Variants in ZNF121 observed in about 807,000 individuals in gnomAD.
The protein encoded by ZNF121 is zinc finger protein 121, also known as zinc finger protein 121 (clone ZHC32).
A neutral mutation model predicts 2.4 loss-of-function variants in ZNF121; 1 was observed. The ratio of observed to expected loss-of-function variants is 0.41; its 90% CI spans 0.15 to 1.94. The LOEUF is 1.94. ZNF121 is among the 30% of genes most tolerant of loss of function. The pLI is 0.30. For synonymous variants in ZNF121, 173 were observed against 158.6 expected (o/e 1.09, Z -0.68); for missense variants, 369 against 466.3 (o/e 0.79, Z 1.92).
chr19:9,571,992 T>C (rs2074177577), intron 1 of ZNF121, among the ~76,000 whole-genome samples: 1 of 152,238 alleles, frequency 6.6e-6, no homozygotes, highest in Admixed American at 6.5e-5. Flanking sequence ...CTCAAACACC[T>C]GGTCTCAAGC....
At chr19:9,568,445 G>A (rs141115813) in intron 2 of ZNF121, among the ~76,000 whole-genome samples, 185 of 151,262 alleles carry the variant, frequency 1.2e-3, no homozygotes, top group African/African-American at 4.3e-3. Flanking sequence ...GCATGATCTC[G>A]GCTCACTGCA....
intron 3 of ZNF121, 30 bp downstream of exon 3, chr19:9,568,065 A>G: frequency 1.3e-6 from 2 of 1,531,434 alleles, no homozygotes; most frequent in African/African-American, 1.4e-5. Flanking sequence ...TCTTTTTTTG[A>G]GTGTGGTAAA....
At chr19:9,581,812 G>A (rs1197152872) in intron 1 of ZNF121, among the ~76,000 whole-genome samples, 2 of 152,136 alleles carry the variant, frequency 1.3e-5, no homozygotes, top group Non-Finnish European at 2.9e-5. Flanking sequence ...ATAAAAAGCA[G>A]ACATTAGATG....
intron 1 of ZNF121, among the ~76,000 whole-genome samples, chr19:9,581,990 G>A (rs969863626): frequency 2.6e-5 from 4 of 152,142 alleles, no homozygotes; most frequent in African/African-American, 4.8e-5. Flanking sequence ...TACCTGAGGT[G>A]AAAGAAAACA....
intron 1 of ZNF121, among the ~76,000 whole-genome samples, chr19:9,574,909 T>C (rs1444621460): frequency 6.6e-6 from 1 of 152,182 alleles, no homozygotes; most frequent in Non-Finnish European, 1.5e-5. Context: ...AAAAAGAAGT[T>C]ATTTATTCCT....
At chr19:9,570,780 C>T (rs2074168619) in intron 1 of ZNF121, among the ~76,000 whole-genome samples, 1 of 151,828 alleles carries the variant, frequency 6.6e-6, no homozygotes, top group African/African-American at 2.4e-5. Context: ...GGGGTTTAAC[C>T]ATATTGGCCA....
intron 1 of ZNF121, among the ~76,000 whole-genome samples, chr19:9,580,551 C>A (rs992507144): frequency 2.0e-5 from 3 of 151,888 alleles, no homozygotes; most frequent in African/African-American, 7.2e-5. Context: ...GTCAATAGAG[C>A]TACCACCCGT....
intron 1 of ZNF121, among the ~76,000 whole-genome samples, chr19:9,574,682 A>C (rs1000166167): frequency 5.3e-5 from 8 of 152,202 alleles, no homozygotes; most frequent in Non-Finnish European, 1.0e-4. Flanking sequence ...AGGAAGGAGG[A>C]AGTAACTTGT....
intron 1 of ZNF121, among the ~76,000 whole-genome samples, chr19:9,583,572 C>A (rs889549812): frequency 6.9e-6 from 1 of 144,336 alleles, no homozygotes; most frequent in Non-Finnish European, 1.5e-5. Context: ...GGCGCGATCT[C>A]GGCTCACTGC....
rs2074094325 is a variant in ZNF121, at chr19:9,560,335, T to C, written c.*5605A>G. On this transcript the variant is annotated 3_prime_UTR_variant, in exon 4 of 4. Transcript: ENST00000320451. ...CAAAATTGACCCAAGTAACTTCTTT[T>C]ATTACAATTTTTATTGTGATAAAAA... is the stretch of plus-strand genomic sequence containing the variant. 1 of 152,246 alleles carries C rather than the reference T, an allele frequency of 6.6e-6. No homozygotes were observed. Among genetic ancestry groups the C allele is most frequent in the Non-Finnish European group, 1.5e-5 (1 of 68,046 alleles). The allele number at this position is 152,246 out of a possible 1,614,324, so 9.4% of individuals were successfully genotyped here.
At chr19:9,567,998 A>G (rs2074145893) in intron 3 of ZNF121, 97 bp downstream of exon 3, 1 of 1,327,134 alleles carries the variant, frequency 7.5e-7, no homozygotes, top group African/African-American at 1.5e-5. Context: ...GCTTGAGTAA[A>G]TGTTACCTCT....
Position 9,568,106 on chromosome 19 carries a change from C to T in ZNF121, c.-9G>A, listed in dbSNP as rs745411135. On this transcript the variant is annotated 5_prime_UTR_variant, in exon 3 of 4. Coordinates refer to ENST00000320451, the MANE Select transcript of ZNF121 (RefSeq NM_001008727.5). ...AATCTTAATCTTACCATTTGTATGCCGTTTGATGTTTTGTTAAGCCAAAAA... is the reference window on the plus strand; with the variant it reads ...AATCTTAATCTTACCATTTGTATGCTGTTTGATGTTTTGTTAAGCCAAAAA... 4.5e-5 allele frequency: 69 copies of T among 1,537,868 alleles called. No homozygotes were observed. Among genetic ancestry groups the T allele is most frequent in the Admixed American group, 1.7e-4 (10 of 57,790 alleles).
intron 1 of ZNF121, among the ~76,000 whole-genome samples, chr19:9,579,617 G>A (rs150536020): frequency 6.6e-6 from 1 of 152,286 alleles, no homozygotes; most frequent in African/African-American, 2.4e-5. Context: ...ACAGTGAGCC[G>A]AGATCATGCC....
At chr19:9,573,271 A>T (rs1238889388) in intron 1 of ZNF121, among the ~76,000 whole-genome samples, 1 of 152,214 alleles carries the variant, frequency 6.6e-6, no homozygotes, top group Non-Finnish European at 1.5e-5. Flanking sequence ...TCTCCAAAAT[A>T]ACACAGAAGA....
chr19:9,581,620 C>T (rs1263373619), intron 1 of ZNF121, among the ~76,000 whole-genome samples: 1 of 152,084 alleles, frequency 6.6e-6, no homozygotes, highest in Non-Finnish European at 1.5e-5. Flanking sequence ...AGAGAAACCT[C>T]ATCATATCCT....
intron 3 of ZNF121, 115 bp from the exon 4 acceptor site, chr19:9,567,224 T>C (rs1183148515): frequency 7.2e-6 from 6 of 829,516 alleles, no homozygotes; most frequent in African/African-American, 1.7e-5. Context: ...TTTCATTACA[T>C]GCATACAGTT....
chr19:9,583,274 T>TG (rs113734166), intron 1 of ZNF121, among the ~76,000 whole-genome samples: 25,977 of 150,972 alleles, frequency 0.17, 3,523 homozygotes, highest in African/African-American at 0.38. Flanking sequence ...TGAAGCTCTG[T>TG]GGGGGGGTAC....
At position 9,564,633 on chromosome 19, in the gene ZNF121, G is replaced by C. The variant is rs1266052409; in HGVS notation, c.*1307C>G. Reference sequence around the variant, plus strand: ...AGATAAGCAAAGAAAGTGGTTTCCTGAAATGAAATCTACTCCTGAAGATGC... The same window carrying C: ...AGATAAGCAAAGAAAGTGGTTTCCTCAAATGAAATCTACTCCTGAAGATGC... On this transcript the variant is annotated 3_prime_UTR_variant, in exon 4 of 4. Coordinates refer to ENST00000320451, the MANE Select transcript of ZNF121 (RefSeq NM_001008727.5). The C allele has an allele frequency of 6.6e-6, 1 of 152,170 alleles. No homozygotes were observed. Among genetic ancestry groups the C allele is most frequent in the Non-Finnish European group, 1.5e-5 (1 of 68,034 alleles). The allele number at this position is 152,170 out of a possible 1,614,324, so 9.4% of individuals were successfully genotyped here.
rs1361891552 is a variant in ZNF121, at chr19:9,563,992, G to A, written c.*1948C>T. Reference sequence around the variant, plus strand: ...CTCTTATGGAGGTATAAACAAGATTGGCGTTTTCATGTCTGCTAACCGCAG... The same window carrying A: ...CTCTTATGGAGGTATAAACAAGATTAGCGTTTTCATGTCTGCTAACCGCAG... On this transcript the variant is annotated 3_prime_UTR_variant, in exon 4 of 4. Transcript: ENST00000320451. The A allele has an allele frequency of 1.3e-5, 2 of 152,118 alleles. No homozygotes were observed. Among genetic ancestry groups the A allele is most frequent in the Non-Finnish European group, 2.9e-5 (2 of 68,024 alleles). The allele number at this position is 152,118 out of a possible 1,614,324, so 9.4% of individuals were successfully genotyped here. A position where few individuals can be genotyped will look rare whatever the true frequency, so the allele number is the denominator to read the frequency against.
Sources: allele counts gnomAD v4.1 joint callset (sites outside exome capture counted in the v4.1 genomes callset), GRCh38; gene constraint gnomAD v4.1.1; transcripts MANE v1.5; gene names NCBI Gene and HGNC (gene_info 2026-07-23, HGNC 2026-07-21).